Variants in ERBB4 observed in about 807,000 individuals in gnomAD.
ERBB4 encodes the protein erb-b2 receptor tyrosine kinase 4.
ERBB4 carries 42 observed loss-of-function variants against 158.0 expected under a neutral mutation model. That is an observed-to-expected ratio of 0.27 (90% CI 0.21 to 0.34). The LOEUF is 0.34. Among genes scored for constraint, ERBB4 ranks in the 10% least tolerant of loss-of-function variants. The pLI, the probability that ERBB4 is intolerant of heterozygous loss-of-function variation, is 1.00. For missense variants in ERBB4, 1,333 were observed against 1,624.1 expected (o/e 0.82, Z 3.08); for synonymous variants, 583 against 558.7 (o/e 1.04, Z -0.61).
chr2:212,135,495 C>T (rs543703705), intron 1 of ERBB4, among the ~76,000 whole-genome samples: 174 of 152,118 alleles, frequency 1.1e-3, no homozygotes, highest in African/African-American at 4.0e-3. Context: ...TATATATATT[C>T]TGTCTTTATT....
Position 211,967,598 on chromosome 2 carries a change from C to T in ERBB4, c.235-19982G>A, listed in dbSNP as rs946265537. ...AATAAAAATCCAACAGTAAACAACA[C>T]CCTGTGAAAGGACCAAAATTAGATT... On this transcript the variant is annotated intron_variant, in intron 2 of 27. Coordinates refer to ENST00000342788, the MANE Select transcript of ERBB4 (RefSeq NM_005235.3). 3.3e-5 allele frequency among the ~76,000 whole-genome samples: 5 copies of T among 151,916 alleles called. No individual in the cohort carries two copies. The East Asian group carries it at 7.7e-4, about 23-fold the overall frequency.
intron 1 of ERBB4, among the ~76,000 whole-genome samples, chr2:212,149,808 T>C (rs916850159): frequency 6.6e-6 from 1 of 152,158 alleles, no homozygotes; most frequent in Non-Finnish European, 1.5e-5. Flanking sequence ...TTTTGTGGAG[T>C]AGACCGACAT....
chr2:211,929,687 A>G (rs894186971), intron 3 of ERBB4, among the ~76,000 whole-genome samples: 2 of 152,168 alleles, frequency 1.3e-5, no homozygotes, highest in African/African-American at 4.8e-5. Context: ...ATCGTTTCTG[A>G]CCATGAATAG....
In ERBB4 at chr2:211,705,411, T is replaced by C. The variant is rs755278487; in HGVS notation, c.1125-20A>G. The C allele has an allele frequency of 6.7e-6, 10 of 1,496,374 alleles. No homozygotes were observed. Among genetic ancestry groups the C allele is most frequent in the Admixed American group, 5.0e-5 (3 of 59,722 alleles). The allele number at this position is 1,496,374 out of a possible 1,614,324, so 92.7% of individuals were successfully genotyped here. On this transcript the variant is annotated intron_variant, in intron 9 of 27. Coordinates refer to ENST00000342788, the MANE Select transcript of ERBB4 (RefSeq NM_005235.3). ...GGGTCCCTAGAAAATCAAGAAGAGA[T>C]GTAGCCAAATTTAAATTTTACTAAA... is the stretch of plus-strand genomic sequence containing the variant.
chr2:211,435,290 A>C lies in ERBB4; in HGVS notation c.2488-4190T>G, dbSNP rs117617496. Among the ~76,000 whole-genome samples the C allele has an allele frequency of 3.3e-5, 5 of 152,356 alleles. No homozygotes were observed. In the East Asian group the frequency reaches 9.6e-4, roughly 29 times the overall value. ...AGGCCAGCTTGAGTAAATTAGGAGAAGAATAATACTGACAGCAACCACAGT... is the reference window on the plus strand; with the variant it reads ...AGGCCAGCTTGAGTAAATTAGGAGACGAATAATACTGACAGCAACCACAGT... On this transcript the variant is annotated intron_variant, in intron 20 of 27. Transcript: ENST00000342788.
chr2:212,331,850 T>A (rs997787653), intron 1 of ERBB4, among the ~76,000 whole-genome samples: 6 of 152,060 alleles, frequency 3.9e-5, no homozygotes, highest in African/African-American at 1.4e-4. Flanking sequence ...TTTATTTGAC[T>A]AATAACAGAA....
intron 20 of ERBB4, among the ~76,000 whole-genome samples, chr2:211,452,340 G>C (rs1258899241): frequency 6.6e-6 from 1 of 152,040 alleles, no homozygotes. Context: ...ATCACGCCCG[G>C]CTAATTTTTG....
At chr2:211,733,637 G>T (rs537142440) in intron 5 of ERBB4, among the ~76,000 whole-genome samples, 1 of 150,004 alleles carries the variant, frequency 6.7e-6, no homozygotes, top group Admixed American at 6.6e-5. Flanking sequence ...CATTATAACA[G>T]ACATCTCCAC....
intron 16 of ERBB4, among the ~76,000 whole-genome samples, chr2:211,643,186 T>A (rs1478955400): frequency 6.6e-6 from 1 of 152,078 alleles, no homozygotes; most frequent in Non-Finnish European, 1.5e-5. Flanking sequence ...GGTGTAAACA[T>A]ACAACAAAAT....
chr2:212,482,897 C>A (rs548036702), intron 1 of ERBB4, among the ~76,000 whole-genome samples: 1 of 152,362 alleles, frequency 6.6e-6, no homozygotes, highest in East Asian at 1.9e-4. Flanking sequence ...GCTGGGACTA[C>A]AGGCGTGAAC....
intron 1 of ERBB4, among the ~76,000 whole-genome samples, chr2:212,130,478 A>G (rs951855469): frequency 6.6e-6 from 1 of 152,186 alleles, no homozygotes; most frequent in Non-Finnish European, 1.5e-5. Flanking sequence ...AGGTTGGTTA[A>G]CAGTGGATTA....
intron 2 of ERBB4, among the ~76,000 whole-genome samples, chr2:211,995,421 A>G (rs1000620269): frequency 2.0e-5 from 3 of 152,068 alleles, no homozygotes; most frequent in Non-Finnish European, 4.4e-5. Context: ...GTTCCTCAAC[A>G]TTGTTTTTAA....
intron 3 of ERBB4, among the ~76,000 whole-genome samples, chr2:211,914,954 T>C (rs2079647040): frequency 6.6e-6 from 1 of 152,130 alleles, no homozygotes. Context: ...ATCCCAATCC[T>C]GTTTCCTGGA....
chr2:212,250,916 A>T (rs1270122853), intron 1 of ERBB4, among the ~76,000 whole-genome samples: 1 of 151,942 alleles, frequency 6.6e-6, no homozygotes, highest in African/African-American at 2.4e-5. Flanking sequence ...TTTTAAAAAG[A>T]TTTTCACAAA....
At chr2:212,248,355 A>G (rs2084389754) in intron 1 of ERBB4, among the ~76,000 whole-genome samples, 1 of 152,156 alleles carries the variant, frequency 6.6e-6, no homozygotes, top group Non-Finnish European at 1.5e-5. Flanking sequence ...TTTGCTAAAC[A>G]CAACTTTTTG....
At chr2:212,391,642 A>AATATTATATATTAT (rs375411938) in intron 1 of ERBB4, among the ~76,000 whole-genome samples, 18 of 138,948 alleles carry the variant, frequency 1.3e-4, no homozygotes, top group African/African-American at 4.8e-4. Context: ...ATTGACATAT[A>AATATTATATATTAT]ATATTATATA....
intron 3 of ERBB4, among the ~76,000 whole-genome samples, chr2:211,805,316 G>A (rs2076590251): frequency 6.6e-6 from 1 of 152,086 alleles, no homozygotes; most frequent in African/African-American, 2.4e-5. Context: ...CTTTGAGTAT[G>A]GAGAAGAGTT....
chr2:212,211,212 G>C (rs1346840906), intron 1 of ERBB4, among the ~76,000 whole-genome samples: 1 of 152,072 alleles, frequency 6.6e-6, no homozygotes, highest in Non-Finnish European at 1.5e-5. Flanking sequence ...GCTTCCATGA[G>C]TGTCTCTGCT....
At chr2:212,342,103 A>T (rs190727791) in intron 1 of ERBB4, among the ~76,000 whole-genome samples, 1 of 152,276 alleles carries the variant, frequency 6.6e-6, no homozygotes, top group Non-Finnish European at 1.5e-5. Flanking sequence ...TACAAAAAGT[A>T]AAAACAACAA....
Sources: allele counts gnomAD v4.1 joint callset (sites outside exome capture counted in the v4.1 genomes callset), GRCh38; gene constraint gnomAD v4.1.1; transcripts MANE v1.5; gene names NCBI Gene and HGNC (gene_info 2026-07-23, HGNC 2026-07-21).